The following RNF44 variants were observed in gnomAD, a reference collection of about 807,000 sequenced individuals.
RNF44 encodes ring finger protein 44.
In RNF44, 25 loss-of-function variants were observed where a neutral mutation model predicts 53.6. The observed-to-expected ratio is 0.47, with a 90% CI of 0.34 to 0.65. The LOEUF (loss-of-function observed/expected upper bound fraction) is 0.65. Among genes scored for constraint, RNF44 ranks in the 30% least tolerant of loss-of-function variants. RNF44 has a pLI of 0.01. For missense variants in RNF44, 581 were observed against 595.5 expected (o/e 0.98, Z 0.25); for synonymous variants, 282 against 252.2 (o/e 1.12, Z -1.12).
upstream of RNF44, chr5:176,537,976 A>C (rs1290744988): frequency 1.3e-5 from 2 of 152,144 alleles, no homozygotes; most frequent in African/African-American, 2.4e-5. Context: ...TACGGCCCAG[A>C]TTGCCCAACA....
chr5:176,527,588 G>C lies in RNF44; in HGVS notation c.*1440C>G, dbSNP rs1756140938. ...ACCAGGCTGACGGGCCCCACGGCAG[G>C]CTGGGGCGGGAGGTGGGAGCCAGGG... On this transcript the variant is annotated 3_prime_UTR_variant, in exon 11 of 11. Transcript: ENST00000274811. 1 of 152,476 alleles carries C rather than the reference G, an allele frequency of 6.6e-6. No homozygotes were observed. 9.4% of individuals were successfully genotyped at this position (152,476 alleles called of 1,614,324 possible).
rs1029761758 is a variant in RNF44 at position 176,531,763 on chromosome 5, A to C, written c.298-133T>G. 26 of 988,644 alleles carry C rather than the reference A, an allele frequency of 2.6e-5. No individual in the cohort carries two copies. Among genetic ancestry groups the C allele is most frequent in the Non-Finnish European group, 3.6e-5 (25 of 685,368 alleles). The allele number at this position is 988,644 out of a possible 1,614,324, so 61.2% of individuals were successfully genotyped here. On this transcript the variant is annotated intron_variant, in intron 3 of 10. Transcript: ENST00000274811. The surrounding 1 kb of genome is among the most constrained non-coding windows in gnomAD (Gnocchi z 4.2). The stretch of plus-strand genomic sequence containing the variant: ...TCCACGGCGGCCTACCTCAGTGCAG[A>C]CCAGACTGTGCCTCTACTCCCAGGC...
intron 1 of RNF44, among the ~76,000 whole-genome samples, chr5:176,534,166 A>G (rs961631805): frequency 6.6e-6 from 1 of 152,258 alleles, no homozygotes; most frequent in Non-Finnish European, 1.5e-5. Context: ...AGCTCAGGGC[A>G]GGCCTGATGT....
At chr5:176,534,475 C>T (rs954052784) in intron 1 of RNF44, among the ~76,000 whole-genome samples, 1 of 152,240 alleles carries the variant, frequency 6.6e-6, no homozygotes. Flanking sequence ...GCCAACAAAC[C>T]AGCCAAGCAA....
In RNF44 at chr5:176,530,054, G is replaced by C. The variant is rs768046393; in HGVS notation, c.926+28C>G. On this transcript the variant is annotated intron_variant, in intron 7 of 10. Transcript: ENST00000274811. ...GGTTCCAGGAGAACAGGGCATCAGG[G>C]ACCTGGGGCGGATGTGCGGATACTT... 6 of 1,387,346 alleles carry C rather than the reference G, an allele frequency of 4.3e-6. No individual in the cohort carries two copies. The Admixed American group carries it at 1.7e-4, about 39-fold the overall frequency. 85.9% of individuals were successfully genotyped at this position (1,387,346 alleles called of 1,614,324 possible).
chr5:176,529,945 G>A (rs576928070), intron 7 of RNF44, 127 bp from the exon 8 acceptor site: 21 of 1,384,822 alleles, frequency 1.5e-5, no homozygotes, highest in South Asian at 1.3e-4. Flanking sequence ...CCCAGCTGGC[G>A]TGCCTGTCAG....
chr5:176,543,299 G>C, the RNF44 span, among the ~76,000 whole-genome samples: 2 of 147,078 alleles, frequency 1.4e-5, no homozygotes, highest in Non-Finnish European at 3.0e-5. This position sits in a 1 kb window ranked among gnomAD's most constrained non-coding sequence, Gnocchi z 4.0. Flanking sequence ...CCCGGCGGCC[G>C]GCGCGTCGCT....
At chr5:176,538,026 G>C (rs932176544), upstream of RNF44, 1 of 152,226 alleles carries the variant, frequency 6.6e-6, no homozygotes, top group Non-Finnish European at 1.5e-5. Context: ...GCTAACGTCT[G>C]CCGGGCAAGG....
In RNF44 at chr5:176,531,837, A is replaced by G. The variant is rs939448474; in HGVS notation, c.297+167T>C. On this transcript the variant is annotated intron_variant, in intron 3 of 10. Transcript: ENST00000274811. This position sits in a 1 kb window ranked among gnomAD's most constrained non-coding sequence, Gnocchi z 4.2. Reference sequence around the variant, plus strand: ...GGGAATCTAGCTCTGCTAGTCACCCAGTGTGGCCCTTTCCCCGGGCCTCAG... The same window carrying G: ...GGGAATCTAGCTCTGCTAGTCACCCGGTGTGGCCCTTTCCCCGGGCCTCAG... The G allele has an allele frequency of 3.3e-5, 29 of 866,974 alleles. No individual in the cohort carries two copies. In the African/African-American group the frequency reaches 4.1e-4, roughly 12 times the overall value. 53.7% of individuals were successfully genotyped at this position (866,974 alleles called of 1,614,324 possible).
chr5:176,541,757 T>C (rs968010172), upstream of RNF44, among the ~76,000 whole-genome samples: 4 of 152,134 alleles, frequency 2.6e-5, no homozygotes, highest in Middle Eastern at 3.2e-3. Context: ...CCCATTTCTT[T>C]CTTCCAAGGC....
At chr5:176,542,741 C>A (rs1045831477), upstream of RNF44, 8 of 152,364 alleles carry the variant, frequency 5.3e-5, no homozygotes, top group Non-Finnish European at 1.2e-4. Context: ...TCTCTCCGGA[C>A]CCCGCAGCGT....
At position 176,527,345 on chromosome 5, in the gene RNF44, G is replaced by A. The variant is rs570492370; in HGVS notation, c.*1683C>T. 1,339 of 152,600 alleles carry A rather than the reference G, an allele frequency of 8.8e-3. 13 individuals are homozygous for A. The highest frequency in any genetic ancestry group is 0.015 in the Non-Finnish European group (1,003 of 68,020). The allele number at this position is 152,600 out of a possible 1,614,324, so 9.5% of individuals were successfully genotyped here. On this transcript the variant is annotated 3_prime_UTR_variant, in exon 11 of 11. Transcript: ENST00000274811. ...TGTGTTTCCCCCCCAATAGCTGCTT[G>A]TTGGAATCACTGCTGCAGCCGACAC...
chr5:176,530,022 C>T (rs1756410208), intron 7 of RNF44, 60 bp downstream of exon 7: 4 of 1,447,742 alleles, frequency 2.8e-6, no homozygotes, highest in South Asian at 1.7e-5. Flanking sequence ...TAGGTCTAAC[C>T]ACTGGAGGTT....
intron 6 of RNF44, 91 bp downstream of exon 6, chr5:176,530,489 TCC>T (rs1756536746): frequency 7.7e-7 from 1 of 1,294,710 alleles, no homozygotes; most frequent in Non-Finnish European, 1.0e-6. Flanking sequence ...TGGGCCTGCC[TCC>T]CAGCTGCCTG....
intron 1 of RNF44, 28 bp downstream of exon 1, chr5:176,536,912 G>A (rs1273550165): frequency 1.3e-5 from 2 of 150,298 alleles, no homozygotes; most frequent in Non-Finnish European, 2.9e-5. Flanking sequence ...GGGGGAATAG[G>A]AAGTTGGGGG....
chr5:176,543,482 G>C, the RNF44 span: 1 of 152,046 alleles, frequency 6.6e-6, no homozygotes, highest in Admixed American at 6.6e-5. This position sits in a 1 kb window ranked among gnomAD's most constrained non-coding sequence, Gnocchi z 4.0. Flanking sequence ...GAATGGAGCT[G>C]CCTGGACCGC....
chr5:176,528,941 G>A lies in RNF44; in HGVS notation c.*87C>T, dbSNP rs1756290901. 1 of 1,335,602 alleles carries A rather than the reference G, an allele frequency of 7.5e-7. No individual in the cohort carries two copies. Among genetic ancestry groups the A allele is most frequent in the Non-Finnish European group, 1.0e-6 (1 of 954,722 alleles). The allele number at this position is 1,335,602 out of a possible 1,614,324, so 82.7% of individuals were successfully genotyped here. ...GGCAGGAGCGAAGGGGCAGGCCTGGGCCACTCCCTCCCCATCCTCCCTGGG... is the reference window on the plus strand; with the variant it reads ...GGCAGGAGCGAAGGGGCAGGCCTGGACCACTCCCTCCCCATCCTCCCTGGG... On this transcript the variant is annotated 3_prime_UTR_variant, in exon 11 of 11. Coordinates refer to ENST00000274811, the MANE Select transcript of RNF44 (RefSeq NM_014901.5).
rs956382191 is a variant in RNF44 at position 176,531,788 on chromosome 5, C to A, written c.298-158G>T. ...ACCAGACTGTGCCTCTACTCCCAGGCCCCCGGGGCAGAGAAAGCCCCGTGG... is the reference window on the plus strand; with the variant it reads ...ACCAGACTGTGCCTCTACTCCCAGGACCCCGGGGCAGAGAAAGCCCCGTGG... On this transcript the variant is annotated intron_variant, in intron 3 of 10. Coordinates refer to ENST00000274811, the MANE Select transcript of RNF44 (RefSeq NM_014901.5). The surrounding 1 kb of genome is among the most constrained non-coding windows in gnomAD (Gnocchi z 4.2). The A allele has an allele frequency of 6.8e-6, 6 of 884,700 alleles. No individual in the cohort carries two copies. The highest frequency in any genetic ancestry group is 6.0e-5 in the Admixed American group (2 of 33,432). 54.8% of individuals were successfully genotyped at this position (884,700 alleles called of 1,614,324 possible).
chr5:176,533,394 G>A (rs763732998), intron 1 of RNF44, among the ~76,000 whole-genome samples: 8 of 152,142 alleles, frequency 5.3e-5, no homozygotes, highest in Admixed American at 4.6e-4. Context: ...CCCATTTTAC[G>A]GGGGAGGAAA....
Sources: gnomAD v4.1 joint callset for allele counts (sites outside exome capture counted in the v4.1 genomes callset) on GRCh38, gnomAD v4.1.1 for gene constraint, Gnocchi (gnomAD v3.1) non-coding constraint, MANE v1.5 for transcripts, NCBI Gene and HGNC (gene_info 2026-07-23, HGNC 2026-07-21) for gene names.